NR2F1-AS1: variants seen among roughly 807,000 people sequenced by gnomAD.
NR2F1-AS1 encodes the protein NR2F1 antisense RNA 1.
chr5:93,559,495 T>C (rs1335656363), intron 2 of NR2F1-AS1, among the ~76,000 whole-genome samples: 1 of 152,248 alleles, frequency 6.6e-6, no homozygotes, highest in Non-Finnish European at 1.5e-5. Flanking sequence ...AAACTTCCTT[T>C]GCTTCCACAA....
intron 2 of NR2F1-AS1, among the ~76,000 whole-genome samples, chr5:93,558,694 T>G (rs1424709467): frequency 1.3e-5 from 2 of 152,226 alleles, no homozygotes; most frequent in African/African-American, 4.8e-5. Context: ...ATAGAACAGA[T>G]GTTGTATTAG....
At chr5:93,505,687 C>T (rs1004865418) in intron 4 of NR2F1-AS1, among the ~76,000 whole-genome samples, 4 of 152,186 alleles carry the variant, frequency 2.6e-5, no homozygotes, top group Admixed American at 6.5e-5. Flanking sequence ...TTACATTGGC[C>T]CCTTTCAGCC....
At chr5:93,520,493 TCACTCAACA>T (rs1751479664) in intron 4 of NR2F1-AS1, among the ~76,000 whole-genome samples, 2 of 152,266 alleles carry the variant, frequency 1.3e-5, no homozygotes, top group South Asian at 4.1e-4. Flanking sequence ...GTGTCCTTTT[TCACTCAACA>T]AGAGGAAGTA....
intron 2 of NR2F1-AS1, chr5:93,555,065 T>A (rs528812203): frequency 6.6e-6 from 1 of 152,328 alleles, no homozygotes; most frequent in Admixed American, 6.5e-5. Context: ...TCTGTTTTAA[T>A]GGGTCATGCA....
intron 4 of NR2F1-AS1, among the ~76,000 whole-genome samples, chr5:93,455,196 GC>G (rs1320197058): frequency 6.6e-6 from 1 of 152,122 alleles, no homozygotes; most frequent in East Asian, 1.9e-4. Flanking sequence ...GAAATATTCA[GC>G]ATTCTGTTAA....
At chr5:93,584,463 G>C (rs1208652047), upstream of NR2F1-AS1, 1 of 149,380 alleles carries the variant, frequency 6.7e-6, no homozygotes, top group Non-Finnish European at 1.5e-5. Flanking sequence ...GCGCGGGGGT[G>C]CGGGCGAGGC....
intron 4 of NR2F1-AS1, among the ~76,000 whole-genome samples, chr5:93,497,799 T>G (rs1004085561): frequency 6.6e-6 from 1 of 152,192 alleles, no homozygotes; most frequent in African/African-American, 2.4e-5. Context: ...AAAGTTAAGA[T>G]TCTCATTAGC....
chr5:93,526,955 C>T (rs187239469), intron 4 of NR2F1-AS1, among the ~76,000 whole-genome samples: 3 of 152,186 alleles, frequency 2.0e-5, no homozygotes, highest in Non-Finnish European at 4.4e-5. Flanking sequence ...GATGACCTCT[C>T]TCACCACTCC....
intron 4 of NR2F1-AS1, among the ~76,000 whole-genome samples, chr5:93,437,634 C>A (rs998435206): frequency 2.0e-5 from 3 of 152,060 alleles, no homozygotes; most frequent in Non-Finnish European, 4.4e-5. Context: ...TCAAAAGCAG[C>A]AGAGGACTAA....
chr5:93,426,575 C>T (rs1178219561), intron 4 of NR2F1-AS1, among the ~76,000 whole-genome samples: 1 of 152,224 alleles, frequency 6.6e-6, no homozygotes, highest in Non-Finnish European at 1.5e-5. Flanking sequence ...TATCTCTGCA[C>T]TACTTTTTTC....
At chr5:93,494,371 C>T (rs1177927581) in intron 4 of NR2F1-AS1, among the ~76,000 whole-genome samples, 1 of 152,170 alleles carries the variant, frequency 6.6e-6, no homozygotes, top group Non-Finnish European at 1.5e-5. Context: ...TGGCTCACGC[C>T]TGTAATCTGA....
intron 4 of NR2F1-AS1, among the ~76,000 whole-genome samples, chr5:93,412,582 T>C (rs1392878368): frequency 2.6e-5 from 4 of 152,234 alleles, no homozygotes; most frequent in Non-Finnish European, 5.9e-5. Context: ...GTTCCAAACA[T>C]GTTGGCTCAA....
At chr5:93,458,221 T>G (rs949328585) in intron 4 of NR2F1-AS1, among the ~76,000 whole-genome samples, 2 of 152,182 alleles carry the variant, frequency 1.3e-5, no homozygotes, top group Admixed American at 6.5e-5. Context: ...TTTTTAATTT[T>G]TAAAGGAATT....
chr5:93,495,807 T>G (rs1253558257), intron 4 of NR2F1-AS1, among the ~76,000 whole-genome samples: 1 of 152,026 alleles, frequency 6.6e-6, no homozygotes, highest in African/African-American at 2.4e-5. Context: ...CCTCTTAAAA[T>G]TAGATGTCCA....
intron 4 of NR2F1-AS1, among the ~76,000 whole-genome samples, chr5:93,524,790 T>C (rs1293844120): frequency 6.6e-6 from 1 of 152,092 alleles, no homozygotes; most frequent in African/African-American, 2.4e-5. Context: ...TAAAATCCTT[T>C]ACAGACAAGC....
chr5:93,493,537 C>G (rs1004590347), intron 4 of NR2F1-AS1, among the ~76,000 whole-genome samples: 2 of 151,894 alleles, frequency 1.3e-5, no homozygotes, highest in Admixed American at 1.3e-4. Context: ...CCCAAATAGC[C>G]AAAACAATAT....
At chr5:93,584,912 GCCCCCT>G (rs1753200161), upstream of NR2F1-AS1, 4 of 23,704 alleles carry the variant, frequency 1.7e-4, no homozygotes, top group Admixed American at 2.9e-4. Flanking sequence ...CGGGCCCCCC[GCCCCCT>G]CCCCCTCCCC....
chr5:93,569,224 G>C (rs1448454550), intron 1 of NR2F1-AS1, among the ~76,000 whole-genome samples: 2 of 152,126 alleles, frequency 1.3e-5, no homozygotes, highest in Non-Finnish European at 2.9e-5. Flanking sequence ...TACACAGGAA[G>C]ACAGAAGAGA....
intron 3 of NR2F1-AS1, chr5:93,554,825 C>G (rs943600520): frequency 6.6e-6 from 1 of 152,162 alleles, no homozygotes; most frequent in Non-Finnish European, 1.5e-5. Context: ...TAACCCAGAT[C>G]CTCTGTTAGC....
Sources: allele counts gnomAD v4.1 joint callset (sites outside exome capture counted in the v4.1 genomes callset), GRCh38; gene constraint gnomAD v4.1.1; transcripts MANE v1.5; gene names NCBI Gene and HGNC (gene_info 2026-07-23, HGNC 2026-07-21).